Variants in ZNF570 observed in about 807,000 individuals in gnomAD.
ZNF570 encodes the protein zinc finger protein 570.
A neutral mutation model predicts 14.2 loss-of-function variants in ZNF570; 8 were observed. The ratio of observed to expected loss-of-function variants is 0.56; its 90% CI spans 0.33 to 1.02. The LOEUF (loss-of-function observed/expected upper bound fraction) is 1.02. ZNF570 is among the 50% of genes least tolerant of loss of function. The probability of loss-of-function intolerance (pLI) is 0.03; values close to 1 mark genes in which losing one functional copy is unlikely to be tolerated. For missense variants in ZNF570, 559 were observed against 624.9 expected (o/e 0.89, Z 1.12); for synonymous variants, 202 against 207.6 (o/e 0.97, Z 0.23).
upstream of ZNF570, chr19:37,468,892 AT>A: frequency 3.6e-6 from 1 of 280,070 alleles, no homozygotes; most frequent in Non-Finnish European, 5.4e-6. Context: ...TCCCCTCCCA[AT>A]TTTTTTCGGG....
chr19:37,477,635 C>T (rs1481323346), intron 4 of ZNF570, among the ~76,000 whole-genome samples: 1 of 152,132 alleles, frequency 6.6e-6, no homozygotes, highest in Non-Finnish European at 1.5e-5. Flanking sequence ...AGCCACTGCA[C>T]CCAGCCTGTA....
chr19:37,488,523 A>G lies in ZNF570; in HGVS notation c.*3290A>G, dbSNP rs2147032845. The G allele has an allele frequency of 6.6e-6, 1 of 152,344 alleles. No homozygotes were observed. Among genetic ancestry groups the G allele is most frequent in the Middle Eastern group, 3.4e-3 (1 of 294 alleles). The allele number at this position is 152,344 out of a possible 1,614,324, so 9.4% of individuals were successfully genotyped here. On this transcript the variant is annotated 3_prime_UTR_variant, in exon 5 of 5. Coordinates refer to ENST00000330173, the MANE Select transcript of ZNF570 (RefSeq NM_144694.5). ...TAATTATTCATTTCTTTTAAAAATA[A>G]GCAAATACTGTATAGCCAATTCTTA...
At chr19:37,469,204 C>T, upstream of ZNF570, 2 of 1,279,382 alleles carry the variant, frequency 1.6e-6, no homozygotes, top group Non-Finnish European at 2.0e-6. Flanking sequence ...GGGGAGGAGG[C>T]CGTGTTACAA....
chr19:37,479,412 G>C (rs1372822848), intron 4 of ZNF570, among the ~76,000 whole-genome samples: 1 of 151,970 alleles, frequency 6.6e-6, no homozygotes, highest in Non-Finnish European at 1.5e-5. Context: ...TTATTTCTTA[G>C]GGCTAGTTTT....
chr19:37,484,775 C>T lies in ZNF570; in HGVS notation c.1153C>T (p.Pro385Ser), dbSNP rs773562836. The T allele has an allele frequency of 1.2e-6, 2 of 1,614,034 alleles. No individual in the cohort carries two copies. The highest frequency in any genetic ancestry group is 3.3e-5 in the Admixed American group (2 of 60,006). The change falls in exon 5 of 5, where the codon CCC (proline) becomes TCC (serine). Residue 385 changes from proline to serine, a missense_variant. Transcript: ENST00000330173. ...VHQRIHTGER[P>S]YECKECGKAF... is the part of the protein sequence containing the mutation. ...TCAGAGAATACATACTGGAGAGAGACCCTATGAATGTAAGGAATGTGGGAA... is the reference window on the plus strand; with the variant it reads ...TCAGAGAATACATACTGGAGAGAGATCCTATGAATGTAAGGAATGTGGGAA...
At position 37,476,410 on chromosome 19, in the gene ZNF570, G is replaced by A; in HGVS notation, c.232G>A (p.Glu78Lys). ...QGKAPWMVKR[E>K]LTKGLCSGWE... Reference sequence around the variant, plus strand: ...AAAAGCACCCTGGATGGTGAAGAGAGAGCTGACAAAAGGCTTGTGCTCAGG... The same window carrying A: ...AAAAGCACCCTGGATGGTGAAGAGAAAGCTGACAAAAGGCTTGTGCTCAGG... Residue 78 changes from glutamate to lysine, a missense_variant, in exon 4 of 5, where the codon GAG (glutamate) becomes AAG (lysine). Transcript: ENST00000330173. 6.2e-7 allele frequency: 1 copy of A among 1,613,938 alleles called. No individual in the cohort carries two copies. The highest frequency in any genetic ancestry group is 8.5e-7 in the Non-Finnish European group (1 of 1,179,934).
Position 37,485,439 on chromosome 19 carries a change from G to T in ZNF570, c.*206G>T. On this transcript the variant is annotated 3_prime_UTR_variant, in exon 5 of 5. Transcript: ENST00000330173. ...TTTTTTCTTTTTGAGACAATGTCTT[G>T]CTGTGTTGCCCAGGCTGGAGTACAG... 1 of 509,344 alleles carries T rather than the reference G, an allele frequency of 2.0e-6. No individual in the cohort carries two copies. The highest frequency in any genetic ancestry group is 3.3e-6 in the Non-Finnish European group (1 of 305,750). 31.6% of individuals were successfully genotyped at this position (509,344 alleles called of 1,614,324 possible).
intron 4 of ZNF570, among the ~76,000 whole-genome samples, chr19:37,483,493 A>G (rs1251500903): frequency 2.0e-5 from 3 of 152,204 alleles, no homozygotes; most frequent in Non-Finnish European, 4.4e-5. Context: ...TTGTTTTGTG[A>G]TATTAAAAGC....
upstream of ZNF570, chr19:37,469,192 G>A (rs2041907809): frequency 1.6e-6 from 2 of 1,256,960 alleles, no homozygotes; most frequent in African/African-American, 1.5e-5. Context: ...GGAGGACCTG[G>A]TGGGGAGGAG....
intron 4 of ZNF570, 50 bp downstream of exon 4, chr19:37,476,484 T>G (rs138060277): frequency 6.3e-7 from 1 of 1,580,714 alleles, no homozygotes; most frequent in South Asian, 1.2e-5. Flanking sequence ...CAGCTCAGCT[T>G]GACTCAAAGG....
intron 4 of ZNF570, among the ~76,000 whole-genome samples, chr19:37,477,288 C>CTGT (rs1491116906): frequency 1.7e-5 from 2 of 115,430 alleles, no homozygotes; most frequent in African/African-American, 6.8e-5. Context: ...GGGAGGTTGT[C>CTGT]GTGTGTGTGT....
chr19:37,478,614 C>A (rs1333554901), intron 4 of ZNF570, among the ~76,000 whole-genome samples: 1 of 145,462 alleles, frequency 6.9e-6, no homozygotes, highest in Non-Finnish European at 1.6e-5. Flanking sequence ...TTGTCCACTT[C>A]CGGTCTTAAT....
intron 4 of ZNF570, among the ~76,000 whole-genome samples, chr19:37,478,122 G>T (rs1488533558): frequency 6.6e-6 from 1 of 152,064 alleles, no homozygotes; most frequent in Non-Finnish European, 1.5e-5. Flanking sequence ...ACAACAAAAT[G>T]CTGTTAACTT....
At chr19:37,479,051 T>C (rs1568768124) in intron 4 of ZNF570, among the ~76,000 whole-genome samples, 1 of 151,318 alleles carries the variant, frequency 6.6e-6, no homozygotes. Context: ...ATAAAAATTA[T>C]TTGTTTTTTG....
intron 4 of ZNF570, among the ~76,000 whole-genome samples, chr19:37,476,908 C>G (rs917153796): frequency 6.6e-6 from 1 of 151,956 alleles, no homozygotes; most frequent in African/African-American, 2.4e-5. Context: ...CAGGGTTTCT[C>G]CATGTTAGGC....
intron 1 of ZNF570, 149 bp from the exon 2 acceptor site, chr19:37,470,155 T>C: frequency 1.6e-6 from 1 of 623,048 alleles, no homozygotes; most frequent in Non-Finnish European, 2.7e-6. Context: ...AGTTAAATTG[T>C]ATGCAAACAA....
chr19:37,476,575 GTTC>G, intron 4 of ZNF570, 141 bp downstream of exon 4: 1 of 1,205,036 alleles, frequency 8.3e-7, no homozygotes, highest in Non-Finnish European at 1.1e-6. Context: ...CATTTAGGAT[GTTC>G]TCCCACATTT....
At position 37,485,459 on chromosome 19, in the gene ZNF570, G is replaced by C. The variant is rs893010322; in HGVS notation, c.*226G>C. 1 of 435,816 alleles carries C rather than the reference G, an allele frequency of 2.3e-6. No individual in the cohort carries two copies. The highest frequency in any genetic ancestry group is 2.0e-5 in the African/African-American group (1 of 48,896). The allele number at this position is 435,816 out of a possible 1,614,324, so 27.0% of individuals were successfully genotyped here. A position where few individuals can be genotyped will look rare whatever the true frequency, so the allele number is the denominator to read the frequency against. On this transcript the variant is annotated 3_prime_UTR_variant, in exon 5 of 5. Coordinates refer to ENST00000330173, the MANE Select transcript of ZNF570 (RefSeq NM_144694.5). ...GTCTTGCTGTGTTGCCCAGGCTGGA[G>C]TACAGTGGGACGATCTCAGCTCACT...
chr19:37,475,404 T>C (rs967638105), intron 2 of ZNF570, among the ~76,000 whole-genome samples: 1 of 152,254 alleles, frequency 6.6e-6, no homozygotes, highest in African/African-American at 2.4e-5. Flanking sequence ...CTGCTTGGTC[T>C]AGCACAGTTT....
Sources: gnomAD v4.1 joint callset for allele counts (sites outside exome capture counted in the v4.1 genomes callset) on GRCh38, gnomAD v4.1.1 for gene constraint, MANE v1.5 for transcripts, NCBI Gene and HGNC (gene_info 2026-07-23, HGNC 2026-07-21) for gene names.